UPF3B: variants seen among roughly 807,000 people sequenced by gnomAD.
The protein encoded by UPF3B is UPF3B regulator of nonsense mediated mRNA decay, also known as regulator of nonsense transcripts 3B.
UPF3B carries 7 observed loss-of-function variants against 40.3 expected under a neutral mutation model. The ratio of observed to expected loss-of-function variants is 0.17; its 90% CI spans 0.10 to 0.33. The LOEUF (loss-of-function observed/expected upper bound fraction) is 0.33, where lower values mean the gene tolerates loss of function less well. UPF3B is among the 10% of genes least tolerant of loss of function. UPF3B has a pLI of 1.00. For missense variants in UPF3B, 229 were observed against 358.9 expected (o/e 0.64, Z 2.93); for synonymous variants, 117 against 117.3 (o/e 1.00, Z 0.01).
intron 4 of UPF3B, among the ~76,000 whole-genome samples, chrX:119,821,285 G>A (rs2055916105): frequency 8.9e-6 from 1 of 112,259 alleles, no homozygotes; most frequent in Admixed American, 9.5e-5. Flanking sequence ...ACAGCCTGCA[G>A]AACTGTGAAC....
intron 8 of UPF3B, among the ~76,000 whole-genome samples, chrX:119,839,161 T>C (rs952342904): frequency 6.3e-5 from 7 of 111,787 alleles, no homozygotes; most frequent in Non-Finnish European, 9.4e-5. Flanking sequence ...CATGTTGATA[T>C]AACTTAATGG....
At chrX:119,831,783 C>T, downstream of UPF3B, 1 of 640,985 alleles carries the variant, frequency 1.6e-6, no homozygotes. Context: ...AAATATGTTA[C>T]TGTTACAACA....
intron 3 of UPF3B, among the ~76,000 whole-genome samples, 177 bp downstream of exon 3, chrX:119,851,318 T>TA (rs1405251030): frequency 9.1e-6 from 1 of 109,906 alleles, no homozygotes; most frequent in Non-Finnish European, 1.9e-5. Flanking sequence ...TTGATCAAAC[T>TA]AAAAAAATAG....
intron 5 of UPF3B, among the ~76,000 whole-genome samples, chrX:119,813,954 C>G (rs1249512981): frequency 9.0e-6 from 1 of 111,547 alleles, no homozygotes; most frequent in Non-Finnish European, 1.9e-5. Context: ...ATGAACTGAT[C>G]GTTCTCTGGT....
intron 5 of UPF3B, among the ~76,000 whole-genome samples, chrX:119,814,859 C>CTTTTTTTTTTTTTTT (rs140201169): frequency 1.1e-4 from 5 of 46,262 alleles, no homozygotes; most frequent in Admixed American, 3.6e-4. Context: ...TTCTTTCTTT[C>CTTTTTTTTTTTTTTT]TTTTTTTTTT....
chrX:119,852,631 G>T, intron 1 of UPF3B, 142 bp downstream of exon 1: 2 of 986,365 alleles, frequency 2.0e-6, no homozygotes, highest in Middle Eastern at 3.8e-4. Context: ...GTGAATGGAT[G>T]AACCAGGATG....
intron 3 of UPF3B, among the ~76,000 whole-genome samples, chrX:119,828,756 T>C (rs2056007006): frequency 9.0e-6 from 1 of 110,621 alleles, no homozygotes; most frequent in African/African-American, 3.3e-5. Context: ...GTTTTGCTCT[T>C]GTCACCTGGG....
chrX:119,817,382 G>T lies in UPF3B; in HGVS notation c.495-2075C>A, dbSNP rs562205725. ...CATGGCAGCAGACTAGAGGTGAAGTGCGAGCATAGGAAAAACTGCCTTGTT... is the reference window on the plus strand; with the variant it reads ...CATGGCAGCAGACTAGAGGTGAAGTTCGAGCATAGGAAAAACTGCCTTGTT... On this transcript the variant is annotated intron_variant, in intron 4 of 6. Coordinates refer to the UPF3B transcript ENST00000636792. 2.9e-4 allele frequency among the ~76,000 whole-genome samples: 33 copies of T among 111,896 alleles called. No homozygotes were observed. In the South Asian group the frequency reaches 0.012, roughly 40 times the overall value.
chrX:119,811,764 C>A (rs2055829422), intron 5 of UPF3B, among the ~76,000 whole-genome samples: 1 of 111,329 alleles, frequency 9.0e-6, no homozygotes, highest in South Asian at 3.8e-4. Flanking sequence ...TCAGCCTGGG[C>A]AACATGGGAA....
intron 4 of UPF3B, among the ~76,000 whole-genome samples, chrX:119,843,503 T>C (rs1298473518): frequency 8.9e-6 from 1 of 112,250 alleles, no homozygotes; most frequent in Non-Finnish European, 1.9e-5. Flanking sequence ...ATACTCACTA[T>C]AGGAATCTGG....
chrX:119,850,618 GCA>G (rs1204294035), intron 3 of UPF3B, among the ~76,000 whole-genome samples: 3 of 112,411 alleles, frequency 2.7e-5, no homozygotes, highest in Non-Finnish European at 3.8e-5. Flanking sequence ...AAGAAAAGTG[GCA>G]AATGGCAGCT....
At chrX:119,835,797 G>A (rs2056085178) in intron 10 of UPF3B, among the ~76,000 whole-genome samples, 1 of 111,097 alleles carries the variant, frequency 9.0e-6, no homozygotes, top group Admixed American at 9.6e-5. Flanking sequence ...GCAACATAGG[G>A]AGACCTCATC....
chrX:119,831,436 A>C (rs1220343151), downstream of UPF3B, among the ~76,000 whole-genome samples: 1 of 110,094 alleles, frequency 9.1e-6, no homozygotes, highest in Non-Finnish European at 1.9e-5. Context: ...ATTCTGCTGC[A>C]GCCTCCCAAG....
chrX:119,810,798 A>G (rs1188320724), intron 5 of UPF3B, among the ~76,000 whole-genome samples: 2 of 111,118 alleles, frequency 1.8e-5, no homozygotes, highest in Admixed American at 1.9e-4. Context: ...ATGATAAAAA[A>G]TCTGTAAAGG....
intron 5 of UPF3B, among the ~76,000 whole-genome samples, chrX:119,813,994 A>G (rs2055844007): frequency 8.9e-6 from 1 of 112,176 alleles, no homozygotes; most frequent in Non-Finnish European, 1.9e-5. Flanking sequence ...TAGCGAAGGC[A>G]GAAACTAATA....
chrX:119,826,199 G>A (rs775709070), intron 3 of UPF3B, among the ~76,000 whole-genome samples: 79 of 102,008 alleles, frequency 7.7e-4, no homozygotes, highest in African/African-American at 2.6e-3. Flanking sequence ...GCAGAAACAC[G>A]GCCAGATGCG....
rs767697794 is a variant in UPF3B at position 119,844,633 on chromosome X, C to T, written c.469+565G>A. Among the ~76,000 whole-genome samples, 9 of 107,690 alleles carry T rather than the reference C, an allele frequency of 8.4e-5. No individual in the cohort carries two copies. The South Asian group carries it at 2.4e-3, about 29-fold the overall frequency. The allele number at this position is 107,690 out of a possible 115,157, so 93.5% of individuals were successfully genotyped here. On this transcript the variant is annotated intron_variant, in intron 4 of 10. Transcript: ENST00000276201. Reference sequence around the variant, plus strand: ...TTCTTTTTTTTTTGAGATGGAGTTTCGCTCTTGTTGCCCAGGCTGGAGTGC... The same window carrying T: ...TTCTTTTTTTTTTGAGATGGAGTTTTGCTCTTGTTGCCCAGGCTGGAGTGC...
rs996811343 is a variant in UPF3B, at chrX:119,851,687, A to T, written c.263+80T>A. Reference sequence around the variant, plus strand: ...TGCATATATTAAAGACAAGCTCAAAAATCAAATGAAAAACAGTAGGATAAA... The same window carrying T: ...TGCATATATTAAAGACAAGCTCAAATATCAAATGAAAAACAGTAGGATAAA... On this transcript the variant is annotated intron_variant, in intron 2 of 10. Transcript: ENST00000276201. 15 of 989,876 alleles carry T rather than the reference A, an allele frequency of 1.5e-5. No individual in the cohort carries two copies. The East Asian group carries it at 4.7e-4, about 31-fold the overall frequency. The allele number at this position is 989,876 out of a possible 1,213,427, so 81.6% of individuals were successfully genotyped here.
At position 119,837,093 on chromosome X, in the gene UPF3B, G is replaced by A. The variant is rs780758786; in HGVS notation, c.1302+664C>T. Among the ~76,000 whole-genome samples, 44 of 107,308 alleles carry A rather than the reference G, an allele frequency of 4.1e-4. No homozygotes were observed. In the South Asian group the frequency reaches 7.7e-3, roughly 19 times the overall value. The allele number at this position is 107,308 out of a possible 115,157, so 93.2% of individuals were successfully genotyped here. A position where few individuals can be genotyped will look rare whatever the true frequency, so the allele number is the denominator to read the frequency against. On this transcript the variant is annotated intron_variant, in intron 10 of 10. Transcript: ENST00000276201. Reference sequence around the variant, plus strand: ...CGAGTAGCTGAGATTACAGGTGTGCGCCACCACATCCAGCCGATTTTTTGT... The same window carrying A: ...CGAGTAGCTGAGATTACAGGTGTGCACCACCACATCCAGCCGATTTTTTGT...
Sources: allele counts gnomAD v4.1 joint callset (sites outside exome capture counted in the v4.1 genomes callset), GRCh38; gene constraint gnomAD v4.1.1; transcripts MANE v1.5; gene names NCBI Gene and HGNC (gene_info 2026-07-23, HGNC 2026-07-21).